The following TXNRD1 variants were observed in gnomAD, a reference collection of about 807,000 sequenced individuals.
TXNRD1 encodes the protein thioredoxin reductase 1.
TXNRD1 carries 57 observed loss-of-function variants against 80.3 expected under a neutral mutation model. The ratio of observed to expected loss-of-function variants is 0.71; its 90% CI spans 0.57 to 0.89. TXNRD1 has a LOEUF of 0.89. Ranked by LOEUF, TXNRD1 falls within the 40% of genes least tolerant of loss-of-function variation. TXNRD1 has a pLI of 0.00. For synonymous variants in TXNRD1, 291 were observed against 285.2 expected (o/e 1.02, Z -0.20); for missense variants, 730 against 803.0 (o/e 0.91, Z 1.10).
intron 16 of TXNRD1, among the ~76,000 whole-genome samples, chr12:104,347,770 A>G (rs933617450): frequency 2.6e-5 from 4 of 152,352 alleles, no homozygotes; most frequent in African/African-American, 9.6e-5. Flanking sequence ...GTTCTATACT[A>G]TAGTGATTGA....
chr12:104,302,486 C>CTTTTTCTTTTT (rs2034667659), intron 4 of TXNRD1, among the ~76,000 whole-genome samples: 1 of 76,226 alleles, frequency 1.3e-5, no homozygotes, highest in Non-Finnish European at 2.3e-5. Context: ...TATTCATTCC[C>CTTTTTCTTTTT]TTTTTTTTTT....
intron 15 of TXNRD1, 92 bp from the exon 16 acceptor site, chr12:104,339,047 A>G: frequency 6.6e-7 from 1 of 1,511,090 alleles, no homozygotes; most frequent in Non-Finnish European, 8.9e-7. Flanking sequence ...TGGATTTTTA[A>G]GAAACAGACT....
At chr12:104,226,349 A>T (rs1373182053) in intron 1 of TXNRD1, among the ~76,000 whole-genome samples, 2 of 152,168 alleles carry the variant, frequency 1.3e-5, no homozygotes, top group Admixed American at 6.6e-5. Context: ...GGGCTCACTG[A>T]CCCTTGCCTA....
At chr12:104,216,607 C>G (rs751109102) in intron 1 of TXNRD1, among the ~76,000 whole-genome samples, 6 of 152,146 alleles carry the variant, frequency 3.9e-5, no homozygotes, top group Admixed American at 2.0e-4. Context: ...ATGTTTCCAG[C>G]CATACTGAGA....
intron 1 of TXNRD1, among the ~76,000 whole-genome samples, chr12:104,245,542 A>AAAAAAAAAAAAAT (rs1394148149): frequency 1.4e-5 from 2 of 146,752 alleles, no homozygotes; most frequent in South Asian, 2.2e-4. Flanking sequence ...AAAAAAAAAA[A>AAAAAAAAAAAAAT]GAATACTGAG....
chr12:104,294,171 G>A (rs1487785110), intron 4 of TXNRD1, among the ~76,000 whole-genome samples: 11 of 141,030 alleles, frequency 7.8e-5, no homozygotes, highest in East Asian at 2.5e-4. Context: ...GAGCCTGACT[G>A]ATGTCAGGCC....
intron 10 of TXNRD1, among the ~76,000 whole-genome samples, chr12:104,324,964 T>G (rs2035704057): frequency 6.6e-6 from 1 of 152,214 alleles, no homozygotes; most frequent in Admixed American, 6.5e-5. Context: ...GGGCAACAGT[T>G]GCCCTCCATG....
intron 16 of TXNRD1, among the ~76,000 whole-genome samples, chr12:104,340,545 C>A (rs554553752): frequency 1.3e-5 from 2 of 152,174 alleles, no homozygotes; most frequent in Non-Finnish European, 2.9e-5. Context: ...TCCTCCCTTG[C>A]CTCTTCTTCT....
intron 3 of TXNRD1, among the ~76,000 whole-genome samples, chr12:104,262,000 G>A (rs1365583852): frequency 6.6e-6 from 1 of 150,670 alleles, no homozygotes; most frequent in Non-Finnish European, 1.5e-5. Context: ...CACCTGCCTC[G>A]GCCTCACAAA....
At chr12:104,334,382 T>C in intron 15 of TXNRD1, 50 bp downstream of exon 15, 1 of 1,214,952 alleles carries the variant, frequency 8.2e-7, no homozygotes, top group East Asian at 2.9e-5. Context: ...GTTGTTGTTT[T>C]TTGTTGTTGT....
intron 15 of TXNRD1, among the ~76,000 whole-genome samples, chr12:104,336,061 T>TA (rs1346974537): frequency 1.3e-5 from 2 of 152,216 alleles, no homozygotes. Flanking sequence ...ATACATTAGA[T>TA]ATCACTTTTA....
rs7297956 is a variant in TXNRD1, at chr12:104,227,764, G to A, written c.91+11871G>A. Among the ~76,000 whole-genome samples, 61 of 152,040 alleles carry A rather than the reference G, an allele frequency of 4.0e-4. 1 individual carries two copies. Among genetic ancestry groups the A allele is most frequent in the African/African-American group, 1.3e-3 (54 of 41,450 alleles). ...TATAGTTTTGTCTTTTCAGGAATGCGATATAAATGGAATCACAAAATAACA... is the reference window on the plus strand; with the variant it reads ...TATAGTTTTGTCTTTTCAGGAATGCAATATAAATGGAATCACAAAATAACA... On this transcript the variant is annotated intron_variant, in intron 1 of 16. Transcript: ENST00000525566.
chr12:104,304,259 T>G lies in TXNRD1; in HGVS notation c.415-7031T>G. On this transcript the variant is annotated intron_variant, in intron 4 of 16. Transcript: ENST00000525566. ...TAAAGAAAAGGCAAAGCAGTTAAAC[T>G]CAGATATGAACTTCTTTAATCAGTT... 2 of 1,614,042 alleles carry G rather than the reference T, an allele frequency of 1.2e-6. No individual in the cohort carries two copies. The highest frequency in any genetic ancestry group is 1.7e-6 in the Non-Finnish European group (2 of 1,179,910).
chr12:104,258,294 A>G (rs1370476149), intron 3 of TXNRD1: 5 of 437,260 alleles, frequency 1.1e-5, no homozygotes, highest in Non-Finnish European at 2.0e-5. Flanking sequence ...GGTATTACCC[A>G]GAGTTTCCTC....
intron 2 of TXNRD1, among the ~76,000 whole-genome samples, chr12:104,254,640 A>ATAT (rs1397898054): frequency 5.6e-5 from 6 of 106,254 alleles, no homozygotes; most frequent in African/African-American, 3.1e-4. Context: ...GAAAAAAAAA[A>ATAT]AAAAATATAT....
chr12:104,329,493 C>CA (rs2135857873), intron 13 of TXNRD1, among the ~76,000 whole-genome samples: 1 of 151,744 alleles, frequency 6.6e-6, no homozygotes, highest in East Asian at 1.9e-4. Flanking sequence ...ACAAAATATA[C>CA]AAAAAATGAG....
At chr12:104,291,771 C>T (rs552008497) in intron 4 of TXNRD1, among the ~76,000 whole-genome samples, 1 of 152,158 alleles carries the variant, frequency 6.6e-6, no homozygotes, top group East Asian at 1.9e-4. Context: ...CGTGAGCCAC[C>T]GGGCCCAGCC....
chr12:104,318,430 G>A (rs561610783), intron 7 of TXNRD1, among the ~76,000 whole-genome samples: 6 of 152,224 alleles, frequency 3.9e-5, no homozygotes, highest in Non-Finnish European at 8.8e-5. Context: ...AGAAAATATC[G>A]AAATAAATAA....
chr12:104,310,936 T>C (rs1399472132), intron 4 of TXNRD1, among the ~76,000 whole-genome samples: 1 of 152,240 alleles, frequency 6.6e-6, no homozygotes, highest in Non-Finnish European at 1.5e-5. Context: ...GAGATTAAGC[T>C]ATGCCCATAT....
Sources: gnomAD v4.1 joint callset for allele counts (sites outside exome capture counted in the v4.1 genomes callset) on GRCh38, gnomAD v4.1.1 for gene constraint, MANE v1.5 for transcripts, NCBI Gene and HGNC (gene_info 2026-07-23, HGNC 2026-07-21) for gene names.